The following TICRR variants were observed in gnomAD, a reference collection of about 807,000 sequenced individuals.
TICRR encodes the protein TOPBP1 interacting checkpoint and replication regulator, also known as treslin.
In TICRR, 132 loss-of-function variants were observed where a neutral mutation model predicts 178.1. That is an observed-to-expected ratio of 0.74 (90% CI 0.64 to 0.86). The LOEUF (loss-of-function observed/expected upper bound fraction) is 0.86, where lower values mean the gene tolerates loss of function less well. Ranked by LOEUF, TICRR falls within the 40% of genes least tolerant of loss-of-function variation. The pLI is 0.00. For synonymous variants in TICRR, 991 were observed against 900.7 expected, an observed-to-expected ratio of 1.10 and a Z score of -1.79; for missense variants, 2,587 against 2,334.3, an observed-to-expected ratio of 1.11 and a Z score of -2.23.
chr15:89,618,031 G>C, intron 16 of TICRR, 121 bp from the exon 17 acceptor site: 1 of 997,368 alleles, frequency 1.0e-6, no homozygotes, highest in East Asian at 2.4e-5. Flanking sequence ...CCCTTTACCA[G>C]CACTGGTGTT....
At chr15:89,580,656 T>G (rs1274212245) in intron 1 of TICRR, among the ~76,000 whole-genome samples, 1 of 152,226 alleles carries the variant, frequency 6.6e-6, no homozygotes, top group Non-Finnish European at 1.5e-5. Context: ...ATCTTTTTTT[T>G]GTTTGTTTTT....
Position 89,619,795 on chromosome 15 carries a change from A to G in TICRR, c.3107A>G (p.Lys1036Arg), listed in dbSNP as rs1310306125. The change falls in exon 18 of 22, where the codon AAG becomes AGG. Residue 1036 changes from lysine to arginine, a missense_variant. Physicochemically the swap from Lys to Arg is conservative, Grantham distance 26. Transcript: ENST00000268138. ...TCCTTCTATTCTGTGTCTCAGCCGAAGTCTCGAAGTGTGCAAAGAGTCCAC... is the reference window on the plus strand; with the variant it reads ...TCCTTCTATTCTGTGTCTCAGCCGAGGTCTCGAAGTGTGCAAAGAGTCCAC... ...SASFYSVSQPKSRSVQRVHSF... is the reference protein window; with the variant it reads ...SASFYSVSQPRSRSVQRVHSF... 6.2e-7 allele frequency: 1 copy of G among 1,613,894 alleles called. No homozygotes were observed.
In TICRR at chr15:89,601,130, A is replaced by T. The variant is rs4517767; in HGVS notation, c.2154-168A>T. Among the ~76,000 whole-genome samples, 706 of 151,552 alleles carry T rather than the reference A, an allele frequency of 4.7e-3. 11 individuals are homozygous for T. The highest frequency in any genetic ancestry group is 0.016 in the African/African-American group (675 of 41,354). On this transcript the variant is annotated intron_variant, in intron 9 of 21. Transcript: ENST00000268138. The stretch of plus-strand genomic sequence containing the variant: ...AATTCTTTTTTATGTTATAATATGC[A>T]GCTTGAATCACCTATTTATCTAATA...
chr15:89,601,974 A>G lies in TICRR; in HGVS notation c.2565A>G (p.Arg855=), dbSNP rs374913199. 2.5e-6 allele frequency: 4 copies of G among 1,613,944 alleles called. No homozygotes were observed. The highest frequency in any genetic ancestry group is 3.4e-6 in the Non-Finnish European group (4 of 1,179,988). Residue 855 remains arginine (R), a splice_region_variant and synonymous_variant, in exon 12 of 22, where the codon AGA becomes AGG. Coordinates refer to ENST00000268138, the MANE Select transcript of TICRR (RefSeq NM_152259.4). ...TTCGTACCAGATCAGCCAAGAAGAG[A>G]AGGTAAGAGGTCAAAGAATCAAAGG... ...QELRTRSAKK[R]RKNALIRHKS... is the part of the protein sequence containing the mutation.
intron 17 of TICRR, among the ~76,000 whole-genome samples, chr15:89,619,359 G>A (rs1468993086): frequency 6.6e-6 from 1 of 151,300 alleles, no homozygotes; most frequent in Non-Finnish European, 1.5e-5. Context: ...CCAAGTAGCT[G>A]GGGTTATAGG....
At chr15:89,599,506 T>C (rs756321723) in intron 8 of TICRR, 31 bp downstream of exon 8, 2 of 1,593,488 alleles carry the variant, frequency 1.3e-6, no homozygotes, top group Non-Finnish European at 1.7e-6. Flanking sequence ...TTGTTTGTCA[T>C]GGATGTAGTG....
At chr15:89,600,521 TGAAA>T in intron 8 of TICRR, 60 bp from the exon 9 acceptor site, 1 of 715,982 alleles carries the variant, frequency 1.4e-6, no homozygotes, top group Non-Finnish European at 2.2e-6. Flanking sequence ...TAGTCAACTG[TGAAA>T]GAAATTAGAA....
At chr15:89,601,650 G>C in intron 11 of TICRR, 82 bp downstream of exon 11, 1 of 1,610,804 alleles carries the variant, frequency 6.2e-7, no homozygotes, top group Non-Finnish European at 8.5e-7. Flanking sequence ...TTTTGGAGTT[G>C]TAAGGACTAC....
intron 1 of TICRR, among the ~76,000 whole-genome samples, chr15:89,578,545 A>T (rs915917663): frequency 7.9e-5 from 12 of 152,212 alleles, no homozygotes; most frequent in Admixed American, 7.9e-4. Context: ...CACATCAAAG[A>T]CTTTCTTCTG....
At chr15:89,577,749 T>G (rs62023108) in intron 1 of TICRR, among the ~76,000 whole-genome samples, 136,594 of 151,520 alleles carry the variant, frequency 0.9, 61,910 homozygotes, top group African/African-American at 0.96. Flanking sequence ...GCTGGGATTA[T>G]AAGCGGGCGC....
intron 1 of TICRR, among the ~76,000 whole-genome samples, chr15:89,577,989 G>C (rs1215995845): frequency 6.6e-6 from 1 of 152,068 alleles, no homozygotes; most frequent in Non-Finnish European, 1.5e-5. Context: ...TCCAGGTGAG[G>C]AGACAAGCAG....
At chr15:89,583,096 T>A in intron 2 of TICRR, 131 bp downstream of exon 2, 2 of 1,065,310 alleles carry the variant, frequency 1.9e-6, no homozygotes, top group Non-Finnish European at 2.6e-6. Context: ...ATGAAAGAAT[T>A]AAAAGACATC....
In TICRR at chr15:89,621,501, A is replaced by C. The variant is rs1241199709; in HGVS notation, c.3263A>C (p.Lys1088Thr). 1 of 1,614,022 alleles carries C rather than the reference A, an allele frequency of 6.2e-7. No homozygotes were observed. Among genetic ancestry groups the C allele is most frequent in the Admixed American group, 1.7e-5 (1 of 59,970 alleles). ...TCAGAAAAGGGTTCAGCTCGAATGA[A>C]AAAGCGTTCAAGAAACACTTTGGAT... The part of the protein sequence containing the change: ...SPSEKGSARM[K>T]KRSRNTLDSE... Residue 1088 changes from lysine (K) to threonine (T), a missense_variant, in exon 19 of 22, where the codon AAA becomes ACA. Transcript: ENST00000268138.
At chr15:89,602,034 G>A (rs1047952518) in intron 12 of TICRR, 58 bp downstream of exon 12, 8 of 1,592,030 alleles carry the variant, frequency 5.0e-6, no homozygotes, top group Admixed American at 3.4e-5. Context: ...GATAAAAGAT[G>A]TGTTTAAACT....
chr15:89,616,548 G>A lies in TICRR; in HGVS notation c.2960+53G>A, dbSNP rs192203015. ...TCATACACCCACACCACCTCAAAGC[G>A]GCCTTGTGGGCCACTACTTCGCTTC... On this transcript the variant is annotated intron_variant, in intron 16 of 21. Transcript: ENST00000268138. 2.6e-5 allele frequency: 37 copies of A among 1,416,596 alleles called. No individual in the cohort carries two copies. The East Asian group carries it at 6.0e-4, about 23-fold the overall frequency. 87.8% of individuals were successfully genotyped at this position (1,416,596 alleles called of 1,614,324 possible). A position where few individuals can be genotyped will look rare whatever the true frequency, so the allele number is the denominator to read the frequency against.
intron 21 of TICRR, 39 bp downstream of exon 21, chr15:89,626,100 AGACT>A: frequency 6.2e-7 from 1 of 1,602,090 alleles, no homozygotes; most frequent in Non-Finnish European, 8.5e-7. Context: ...TTCCTGTGAC[AGACT>A]GTCTGAATTC....
In TICRR at chr15:89,624,758, T is replaced by C; in HGVS notation, c.4448T>C (p.Leu1483Ser). The change falls in exon 20 of 22, where the codon TTA (leucine) becomes TCA (serine). Residue 1483 changes from leucine to serine, a missense_variant. By Grantham distance (145) the Leu-to-Ser change is moderately radical (BLOSUM62 -2). Coordinates refer to ENST00000268138, the MANE Select transcript of TICRR (RefSeq NM_152259.4). ...HGIGDLKSNV[L>S]SVEEGEGLRT... is the part of the protein sequence containing the mutation. ...ATTGGTGACTTGAAAAGTAACGTCT[T>C]ATCAGTGGAAGAGGGTGAGGGGCTA... is the stretch of plus-strand genomic sequence containing the variant. 1 of 1,614,168 alleles carries C rather than the reference T, an allele frequency of 6.2e-7. No homozygotes were observed. The highest frequency in any genetic ancestry group is 8.5e-7 in the Non-Finnish European group (1 of 1,180,024).
chr15:89,626,897 T>A, intron 21 of TICRR, 59 bp from the exon 22 acceptor site: 1 of 1,580,550 alleles, frequency 6.3e-7, no homozygotes, highest in Non-Finnish European at 8.6e-7. Context: ...TTTAAGCCAA[T>A]TTTTTTCAGT....
chr15:89,609,367 C>T (rs557588153), intron 15 of TICRR, among the ~76,000 whole-genome samples: 1 of 152,104 alleles, frequency 6.6e-6, no homozygotes, highest in Admixed American at 6.5e-5. Context: ...CCCTCCTCGG[C>T]CTCCCACAGT....
Sources: allele counts gnomAD v4.1 joint callset (sites outside exome capture counted in the v4.1 genomes callset), GRCh38; gene constraint gnomAD v4.1.1; transcripts MANE v1.5; gene names NCBI Gene and HGNC (gene_info 2026-07-23, HGNC 2026-07-21).